MAML2: variants seen among roughly 807,000 people sequenced by gnomAD.
MAML2 encodes the protein mastermind like transcriptional coactivator 2.
A neutral mutation model predicts 96.1 loss-of-function variants in MAML2; 22 were observed. The ratio of observed to expected loss-of-function variants is 0.23; its 90% CI spans 0.16 to 0.33. MAML2 has a LOEUF of 0.33. Ranked by LOEUF, MAML2 falls within the 10% of genes least tolerant of loss-of-function variation. The pLI, the probability that MAML2 is intolerant of heterozygous loss-of-function variation, is 1.00. For missense variants in MAML2, 1,367 were observed against 1,392.4 expected (o/e 0.98, Z 0.29); for synonymous variants, 561 against 521.3 (o/e 1.08, Z -1.04).
At chr11:96,055,687 G>C (rs1485582030) in intron 2 of MAML2, among the ~76,000 whole-genome samples, 1 of 152,200 alleles carries the variant, frequency 6.6e-6, no homozygotes, top group Non-Finnish European at 1.5e-5. Context: ...GAGAGAGGGA[G>C]AGACAGAGAC....
In MAML2 at chr11:95,979,681, G is replaced by A. The variant is rs138346594; in HGVS notation, c.2738C>T (p.Thr913Ile). ...QNNPMMPRPP[T>I]LGPSNNNNVA... ...ATTGTTATTATTACTTGGCCCTAAGGTAGGTGGCCGTGGCATCATAGGGTT... is the reference window on the plus strand; with the variant it reads ...ATTGTTATTATTACTTGGCCCTAAGATAGGTGGCCGTGGCATCATAGGGTT... Residue 913 changes from threonine to isoleucine, a missense_variant, in exon 5 of 5, where the codon ACC becomes ATC. Transcript: ENST00000524717. 548 of 1,613,958 alleles carry A rather than the reference G, an allele frequency of 3.4e-4. 4 individuals are homozygous for A. The African/African-American group carries it at 6.3e-3, about 18-fold the overall frequency.
At chr11:96,023,030 C>T (rs1858459336) in intron 2 of MAML2, among the ~76,000 whole-genome samples, 1 of 152,150 alleles carries the variant, frequency 6.6e-6, no homozygotes, top group Non-Finnish European at 1.5e-5. Flanking sequence ...TGCAGGGGAT[C>T]CCCAAGACTG....
intron 1 of MAML2, among the ~76,000 whole-genome samples, chr11:96,272,363 C>T (rs148564015): frequency 0.011 from 1,681 of 152,284 alleles, 99 homozygotes; most frequent in Admixed American, 0.1. Context: ...TTGGTTTACA[C>T]GCCTCTTCCA....
chr11:96,343,142 G>T lies in MAML2; in HGVS notation c.-1247C>A. On this transcript the variant is annotated 5_prime_UTR_variant, in exon 1 of 5. An upstream open reading frame in the 5' UTR gains an earlier in-frame stop. Transcript: ENST00000524717. ...ACTGGCTCGCGCCCGGAGTCACGGC[G>T]ATACACAGGCTTTCATTGTGCTCCG... 1 of 395,872 alleles carries T rather than the reference G, an allele frequency of 2.5e-6. No individual in the cohort carries two copies. The highest frequency in any genetic ancestry group is 1.3e-4 in the South Asian group (1 of 7,804). The allele number at this position is 395,872 out of a possible 1,614,324, so 24.5% of individuals were successfully genotyped here. A position where few individuals can be genotyped will look rare whatever the true frequency, so the allele number is the denominator to read the frequency against.
In MAML2 at chr11:96,272,994, T is replaced by G. The variant is rs865999783; in HGVS notation, c.513+68389A>C. On this transcript the variant is annotated intron_variant, in intron 1 of 4. Transcript: ENST00000524717. ...AGACTATTTCTATTTTACTTTTTCA[T>G]TCCATAAACATTTATTCAGCCCCTA... Among the ~76,000 whole-genome samples the G allele has an allele frequency of 2.0e-5, 3 of 152,206 alleles. No homozygotes were observed. In the East Asian group the frequency reaches 5.8e-4, roughly 29 times the overall value.
intron 1 of MAML2, among the ~76,000 whole-genome samples, chr11:96,128,955 A>T (rs1860497824): frequency 6.6e-6 from 1 of 152,166 alleles, no homozygotes; most frequent in Non-Finnish European, 1.5e-5. Context: ...TCAGGCTGAA[A>T]TTTTACAGTA....
At chr11:96,004,483 T>C (rs552699810) in intron 2 of MAML2, among the ~76,000 whole-genome samples, 1 of 152,298 alleles carries the variant, frequency 6.6e-6, no homozygotes, top group East Asian at 1.9e-4. Context: ...ACTCTGGAAT[T>C]TCACCTTAAT....
At chr11:96,003,885 A>G (rs73521605) in intron 2 of MAML2, among the ~76,000 whole-genome samples, 2,567 of 152,312 alleles carry the variant, frequency 0.017, 73 homozygotes, top group African/African-American at 0.059. Flanking sequence ...TAGTAATACT[A>G]GTAATAAATC....
intron 2 of MAML2, among the ~76,000 whole-genome samples, chr11:96,091,033 C>T (rs1019783982): frequency 5.9e-5 from 9 of 152,126 alleles, no homozygotes; most frequent in Non-Finnish European, 1.3e-4. Context: ...TTTTAGGTTC[C>T]CTGGGGATCA....
intron 1 of MAML2, among the ~76,000 whole-genome samples, chr11:96,333,555 G>GT (rs1565286946): frequency 6.6e-6 from 1 of 152,104 alleles, no homozygotes; most frequent in Non-Finnish European, 1.5e-5. Context: ...TCTTCCTCAT[G>GT]TTTTTTATGG....
chr11:96,122,890 G>T (rs1189868588), intron 1 of MAML2, among the ~76,000 whole-genome samples: 1 of 152,224 alleles, frequency 6.6e-6, no homozygotes. Context: ...TTAAGGTGTT[G>T]GTGCTGGAAC....
chr11:96,214,257 G>A (rs1304279409), intron 1 of MAML2, among the ~76,000 whole-genome samples: 1 of 152,146 alleles, frequency 6.6e-6, no homozygotes, highest in African/African-American at 2.4e-5. Context: ...GCCATGCCTA[G>A]GTTATTCTGG....
chr11:96,323,767 C>A (rs1863740289), intron 1 of MAML2, among the ~76,000 whole-genome samples: 1 of 152,196 alleles, frequency 6.6e-6, no homozygotes, highest in Admixed American at 6.5e-5. Context: ...TTCTCTGTGC[C>A]TGCAGGGCAG....
intron 1 of MAML2, among the ~76,000 whole-genome samples, chr11:96,145,129 T>C (rs1860795765): frequency 6.6e-6 from 1 of 152,216 alleles, no homozygotes; most frequent in African/African-American, 2.4e-5. Context: ...ACAGGAATTA[T>C]TACCTTCATT....
At position 96,108,909 on chromosome 11, in the gene MAML2, T is replaced by G. The variant is rs138650121; in HGVS notation, c.514-15392A>C. Among the ~76,000 whole-genome samples, 1,488 of 152,050 alleles carry G rather than the reference T, an allele frequency of 9.8e-3. 16 individuals carry two copies. Among genetic ancestry groups the G allele is most frequent in the South Asian group, 0.039 (186 of 4,808 alleles). On this transcript the variant is annotated intron_variant, in intron 1 of 4. Transcript: ENST00000524717. ...ATTAGCTATGCATGGTGGTGGCATC[T>G]TAGTCCCAGCTACTTGGGGGACTGT...
chr11:96,005,387 A>G (rs1858162946), intron 2 of MAML2, among the ~76,000 whole-genome samples: 1 of 152,220 alleles, frequency 6.6e-6, no homozygotes, highest in African/African-American at 2.4e-5. Flanking sequence ...CAACTTTAAG[A>G]TATGGAAATT....
At chr11:96,002,730 A>C (rs2135719355) in intron 2 of MAML2, among the ~76,000 whole-genome samples, 1 of 144,684 alleles carries the variant, frequency 6.9e-6, no homozygotes, top group South Asian at 2.4e-4. Context: ...ATGGGGGATG[A>C]TAAGAAAGAT....
At chr11:96,214,119 TCTC>T (rs1466089185) in intron 1 of MAML2, among the ~76,000 whole-genome samples, 2 of 152,176 alleles carry the variant, frequency 1.3e-5, no homozygotes, top group African/African-American at 2.4e-5. Flanking sequence ...AGTGAAAGTA[TCTC>T]CTATTATTGA....
intron 1 of MAML2, among the ~76,000 whole-genome samples, chr11:96,139,732 A>C (rs1214487931): frequency 6.6e-6 from 1 of 152,018 alleles, no homozygotes. Context: ...GTTGTTTTTC[A>C]GTGTTTTTCA....
Sources: gnomAD v4.1 joint callset for allele counts (sites outside exome capture counted in the v4.1 genomes callset) on GRCh38, gnomAD v4.1.1 for gene constraint, MANE v1.5 for transcripts, NCBI Gene and HGNC (gene_info 2026-07-23, HGNC 2026-07-21) for gene names.